The following IL1RAPL1 variants were observed in gnomAD, a reference collection of about 807,000 sequenced individuals.
IL1RAPL1 encodes the protein interleukin-1 receptor accessory protein-like 1.
IL1RAPL1 carries 3 observed loss-of-function variants against 48.4 expected under a neutral mutation model. That is an observed-to-expected ratio of 0.06 (90% CI 0.03 to 0.16). The LOEUF (loss-of-function observed/expected upper bound fraction) is 0.16, where lower values mean the gene tolerates loss of function less well. IL1RAPL1 is among the 10% of genes least tolerant of loss of function. The pLI, the probability that IL1RAPL1 is intolerant of heterozygous loss-of-function variation, is 1.00. For missense variants in IL1RAPL1, 349 were observed against 530.6 expected, an observed-to-expected ratio of 0.66 and a Z score of 3.36; for synonymous variants, 185 against 187.7, an observed-to-expected ratio of 0.99 and a Z score of 0.12.
intron 2 of IL1RAPL1, among the ~76,000 whole-genome samples, chrX:29,003,832 G>A (rs935273075): frequency 5.3e-5 from 6 of 112,158 alleles, no homozygotes; most frequent in African/African-American, 9.7e-5. Context: ...AAGAATTTAC[G>A]TTATGTATAT....
chrX:28,726,620 A>G (rs1014789899), intron 1 of IL1RAPL1, among the ~76,000 whole-genome samples: 3 of 112,412 alleles, frequency 2.7e-5, no homozygotes, highest in Non-Finnish European at 5.6e-5. Flanking sequence ...CAGATAATAA[A>G]TGATACTTAC....
intron 2 of IL1RAPL1, among the ~76,000 whole-genome samples, chrX:28,961,584 G>A (rs1277455079): frequency 9.0e-6 from 1 of 111,389 alleles, no homozygotes; most frequent in Admixed American, 9.5e-5. Flanking sequence ...CCACTTATGA[G>A]TGAGAACATA....
intron 2 of IL1RAPL1, among the ~76,000 whole-genome samples, chrX:29,205,710 C>A (rs1930649976): frequency 1.2e-5 from 1 of 84,921 alleles, no homozygotes; most frequent in Admixed American, 1.2e-4. Context: ...ATATTAGTTT[C>A]TTTTTATTTT....
intron 2 of IL1RAPL1, among the ~76,000 whole-genome samples, chrX:29,034,234 A>C (rs1602022083): frequency 8.9e-6 from 1 of 111,981 alleles, no homozygotes; most frequent in Non-Finnish European, 1.9e-5. Flanking sequence ...TGCTGATATA[A>C]GTGAAATTTA....
At chrX:28,735,290 A>G (rs1935807226) in intron 1 of IL1RAPL1, among the ~76,000 whole-genome samples, 1 of 106,632 alleles carries the variant, frequency 9.4e-6, no homozygotes, top group Non-Finnish European at 1.9e-5. Flanking sequence ...ACATGTTCAC[A>G]CTCCAATCTA....
intron 2 of IL1RAPL1, among the ~76,000 whole-genome samples, chrX:29,195,253 A>G (rs1397543714): frequency 8.9e-6 from 1 of 111,818 alleles, no homozygotes; most frequent in Non-Finnish European, 1.9e-5. Context: ...CGTCAGTCCT[A>G]AACTGTGAAG....
In IL1RAPL1 at chrX:29,845,163, G is replaced by T. The variant is rs181082028; in HGVS notation, c.779-72301G>T. On this transcript the variant is annotated intron_variant, in intron 6 of 10. Coordinates refer to ENST00000378993, the MANE Select transcript of IL1RAPL1 (RefSeq NM_014271.4). Reference sequence around the variant, plus strand: ...AGTATGTGTAATTTGTTGCAGCAGCGCAAGGATACTAATACAGGCAATGTT... The same window carrying T: ...AGTATGTGTAATTTGTTGCAGCAGCTCAAGGATACTAATACAGGCAATGTT... 2.7e-5 allele frequency among the ~76,000 whole-genome samples: 3 copies of T among 112,002 alleles called. No homozygotes were observed. In the East Asian group the frequency reaches 8.4e-4, roughly 31 times the overall value.
intron 2 of IL1RAPL1, among the ~76,000 whole-genome samples, chrX:29,061,464 T>C (rs1393879415): frequency 1.8e-5 from 2 of 112,094 alleles, no homozygotes; most frequent in Non-Finnish European, 3.8e-5. Flanking sequence ...TGTTTTAATT[T>C]TGGGGGGATG....
chrX:29,555,903 C>T (rs1043017538), intron 5 of IL1RAPL1, among the ~76,000 whole-genome samples: 5 of 112,229 alleles, frequency 4.5e-5, no homozygotes, highest in African/African-American at 1.6e-4. Flanking sequence ...GGAATGTGCA[C>T]TATGCAAACA....
At chrX:29,935,428 T>C (rs1332071500) in intron 8 of IL1RAPL1, among the ~76,000 whole-genome samples, 1 of 111,798 alleles carries the variant, frequency 8.9e-6, no homozygotes, top group Non-Finnish European at 1.9e-5. Flanking sequence ...ATTCTGCTCT[T>C]AGGGAGAGCT....
At chrX:28,852,731 G>A (rs895618980) in intron 2 of IL1RAPL1, among the ~76,000 whole-genome samples, 2 of 111,487 alleles carry the variant, frequency 1.8e-5, no homozygotes, top group African/African-American at 6.5e-5. Flanking sequence ...TATTGGACTT[G>A]CAGTCATCAG....
intron 6 of IL1RAPL1, among the ~76,000 whole-genome samples, chrX:29,756,906 A>T (rs906069191): frequency 8.9e-6 from 1 of 111,854 alleles, no homozygotes; most frequent in African/African-American, 3.3e-5. Flanking sequence ...AGAGACATCT[A>T]GACACATAGG....
chrX:28,800,197 T>C (rs1936657270), intron 2 of IL1RAPL1, among the ~76,000 whole-genome samples: 1 of 111,954 alleles, frequency 8.9e-6, no homozygotes, highest in Admixed American at 9.5e-5. Flanking sequence ...TCTGTGTCTT[T>C]AATCTCCTTC....
At chrX:29,938,648 T>A (rs1465532316) in intron 8 of IL1RAPL1, among the ~76,000 whole-genome samples, 1 of 112,526 alleles carries the variant, frequency 8.9e-6, no homozygotes, top group African/African-American at 3.2e-5. Flanking sequence ...TTTGGCTAAA[T>A]GAGTTCCGAC....
At chrX:28,602,019 C>T (rs945330234) in intron 1 of IL1RAPL1, among the ~76,000 whole-genome samples, 44 of 107,001 alleles carry the variant, frequency 4.1e-4, no homozygotes, top group Admixed American at 1.2e-3. Context: ...GCAGGAGAAT[C>T]GCTTGAACCT....
At chrX:28,619,158 C>T (rs1297915056) in intron 1 of IL1RAPL1, among the ~76,000 whole-genome samples, 1 of 111,713 alleles carries the variant, frequency 9.0e-6, no homozygotes, top group African/African-American at 3.3e-5. Context: ...ACCATATGTC[C>T]CTCTTATCCT....
At chrX:28,762,761 T>C (rs1263388609) in intron 1 of IL1RAPL1, among the ~76,000 whole-genome samples, 2 of 105,288 alleles carry the variant, frequency 1.9e-5, no homozygotes, top group South Asian at 4.2e-4. Flanking sequence ...ATTGTATATA[T>C]ATAAAATCTA....
chrX:28,819,005 C>T (rs182628668), intron 2 of IL1RAPL1, among the ~76,000 whole-genome samples: 71 of 110,475 alleles, frequency 6.4e-4, no homozygotes, highest in African/African-American at 1.7e-3. Flanking sequence ...TCTGTCTCCT[C>T]GATATTTACT....
chrX:29,086,232 T>C (rs1035989447), intron 2 of IL1RAPL1, among the ~76,000 whole-genome samples: 11 of 112,534 alleles, frequency 9.8e-5, no homozygotes, highest in Admixed American at 2.8e-4. Flanking sequence ...AGCTCCAACA[T>C]TGTGAGCATC....
Sources: gnomAD v4.1 joint callset for allele counts (sites outside exome capture counted in the v4.1 genomes callset) on GRCh38, gnomAD v4.1.1 for gene constraint, MANE v1.5 for transcripts, NCBI Gene and HGNC (gene_info 2026-07-23, HGNC 2026-07-21) for gene names.